Variants in AGBL1 observed in about 807,000 individuals in gnomAD.
AGBL1 encodes the protein cytosolic carboxypeptidase 4.
AGBL1 carries 130 observed loss-of-function variants against 118.9 expected under a neutral mutation model. That is an observed-to-expected ratio of 1.09 (90% confidence interval 0.95 to 1.26). The LOEUF (loss-of-function observed/expected upper bound fraction) is 1.26, where lower values mean the gene tolerates loss of function less well. Ranked by LOEUF, AGBL1 falls within the 50% of genes most tolerant of loss-of-function variation. The pLI, the probability that AGBL1 is intolerant of heterozygous loss-of-function variation, is 0.00. For synonymous variants in AGBL1, 555 were observed against 478.9 expected (o/e 1.16, Z -2.08); for missense variants, 1,584 against 1,298.1 (o/e 1.22, Z -3.38).
intron 1 of AGBL1, among the ~76,000 whole-genome samples, chr15:86,080,482 A>G (rs1403381133): frequency 1.3e-5 from 2 of 152,182 alleles, no homozygotes; most frequent in African/African-American, 4.8e-5. Context: ...TTGTAGTTAC[A>G]TCAGAATGGC....
chr15:86,239,763 C>T (rs556075781), intron 6 of AGBL1, among the ~76,000 whole-genome samples: 8 of 152,298 alleles, frequency 5.3e-5, no homozygotes, highest in East Asian at 1.9e-4. Context: ...CTTCAAGCAC[C>T]GCAGGCTGTA....
intron 24 of AGBL1, among the ~76,000 whole-genome samples, chr15:86,996,891 G>A (rs538575813): frequency 3.7e-4 from 56 of 152,052 alleles, no homozygotes; most frequent in Middle Eastern, 3.4e-3. Flanking sequence ...TGTGGATTTT[G>A]TTTTGCTCCC....
At chr15:86,702,968 C>T (rs770743011) in intron 22 of AGBL1, among the ~76,000 whole-genome samples, 11 of 152,098 alleles carry the variant, frequency 7.2e-5, no homozygotes, top group Admixed American at 1.3e-4. Context: ...GACACTTCAA[C>T]TTTTAAATGA....
intron 19 of AGBL1, among the ~76,000 whole-genome samples, chr15:86,524,629 A>T (rs1190724560): frequency 4.6e-5 from 7 of 152,172 alleles, no homozygotes; most frequent in Admixed American, 3.9e-4. Context: ...GGTCAAATTG[A>T]TATCTCATGG....
At chr15:86,473,307 G>C (rs573403780) in intron 18 of AGBL1, among the ~76,000 whole-genome samples, 1 of 152,282 alleles carries the variant, frequency 6.6e-6, no homozygotes, top group Non-Finnish European at 1.5e-5. Context: ...GCCATTCTAA[G>C]TATTCAAGGA....
chr15:86,298,212 A>G (rs2079676763), intron 17 of AGBL1, among the ~76,000 whole-genome samples: 1 of 127,176 alleles, frequency 7.9e-6, no homozygotes, highest in African/African-American at 3.0e-5. Context: ...AGGGCTACAT[A>G]ATAAAAATGT....
At chr15:86,277,218 C>T (rs1195677926) in intron 15 of AGBL1, among the ~76,000 whole-genome samples, 4 of 149,448 alleles carry the variant, frequency 2.7e-5, no homozygotes, top group African/African-American at 7.4e-5. Context: ...TGGTGGGGAG[C>T]CTTTAGTCTT....
chr15:86,975,440 A>G (rs531945979), intron 23 of AGBL1, among the ~76,000 whole-genome samples: 1 of 152,070 alleles, frequency 6.6e-6, no homozygotes. Flanking sequence ...ATTACCTCCC[A>G]CAGGGCCCCT....
intron 23 of AGBL1, among the ~76,000 whole-genome samples, chr15:86,952,212 G>T (rs2080887058): frequency 6.7e-6 from 1 of 149,878 alleles, no homozygotes; most frequent in South Asian, 2.1e-4. Context: ...GCCTGGACAA[G>T]AGCAAAACTC....
chr15:86,698,324 T>G (rs2086297683), intron 22 of AGBL1, among the ~76,000 whole-genome samples: 1 of 152,088 alleles, frequency 6.6e-6, no homozygotes, highest in South Asian at 2.1e-4. Flanking sequence ...AGTTTATTGG[T>G]TCTTCGAAAT....
rs150103722 is a variant in AGBL1 at position 86,475,092 on chromosome 15, A to C, written c.2556-47718A>C. Among the ~76,000 whole-genome samples the C allele has an allele frequency of 3.9e-3, 593 of 152,328 alleles. 3 individuals are homozygous for C. Among genetic ancestry groups the C allele is most frequent in the Middle Eastern group, 0.017 (5 of 294 alleles). On this transcript the variant is annotated intron_variant, in intron 18 of 22. Coordinates refer to ENST00000614907, the MANE Select transcript of AGBL1 (RefSeq NM_001386094.1). ...CATCTGTACGTCACCATCTTCAAAG[A>C]CCAAAGGCAGATAAAACCACAAAAG...
chr15:86,363,169 A>G (rs1404267812), intron 17 of AGBL1, among the ~76,000 whole-genome samples: 3 of 151,798 alleles, frequency 2.0e-5, no homozygotes, highest in East Asian at 1.9e-4. Context: ...GTGTTTTTCA[A>G]TCTCGTATCT....
At chr15:86,524,274 A>G (rs1471543483) in intron 19 of AGBL1, among the ~76,000 whole-genome samples, 1 of 152,218 alleles carries the variant, frequency 6.6e-6, no homozygotes, top group Non-Finnish European at 1.5e-5. Context: ...GGGGAGCTCC[A>G]TGACTATCCG....
intron 23 of AGBL1, among the ~76,000 whole-genome samples, chr15:86,957,111 G>T (rs2080939064): frequency 6.6e-6 from 1 of 152,106 alleles, no homozygotes; most frequent in Non-Finnish European, 1.5e-5. Context: ...CAGTATGATT[G>T]TCTCCATTCT....
chr15:86,919,639 T>C (rs1425361740), downstream of AGBL1, among the ~76,000 whole-genome samples: 5 of 151,982 alleles, frequency 3.3e-5, no homozygotes, highest in African/African-American at 9.7e-5. Context: ...AAAACTCTTA[T>C]ATGAATGAAG....
intron 5 of AGBL1, among the ~76,000 whole-genome samples, chr15:86,202,069 G>C (rs1463412938): frequency 6.6e-6 from 1 of 152,144 alleles, no homozygotes; most frequent in African/African-American, 2.4e-5. Context: ...CAAGTGGGTG[G>C]ATCACTTGAG....
chr15:86,853,883 C>T (rs536670110), intron 22 of AGBL1, among the ~76,000 whole-genome samples: 11 of 152,078 alleles, frequency 7.2e-5, no homozygotes, highest in South Asian at 4.1e-4. Context: ...ACTGGGTCTC[C>T]GTGTTTTTTT....
At position 86,269,645 on chromosome 15, in the gene AGBL1, A is replaced by C. The variant is rs572346391; in HGVS notation, c.1839-274A>C. 5.9e-5 allele frequency among the ~76,000 whole-genome samples: 9 copies of C among 152,328 alleles called. 1 individual carries two copies. In the South Asian group the frequency reaches 1.7e-3, roughly 28 times the overall value. On this transcript the variant is annotated intron_variant, in intron 13 of 22. Transcript: ENST00000614907. Reference sequence around the variant, plus strand: ...CACATGTACCCCATAAATAAATACAACTATTGTGTATCCATAATAGTTTAA... The same window carrying C: ...CACATGTACCCCATAAATAAATACACCTATTGTGTATCCATAATAGTTTAA...
chr15:86,600,412 T>G (rs1281413033), intron 21 of AGBL1, among the ~76,000 whole-genome samples: 1 of 152,080 alleles, frequency 6.6e-6, no homozygotes, highest in East Asian at 1.9e-4. Flanking sequence ...TACCACTACA[T>G]CAAGTGCCCA....
Sources: gnomAD v4.1 joint callset for allele counts (sites outside exome capture counted in the v4.1 genomes callset) on GRCh38, gnomAD v4.1.1 for gene constraint, MANE v1.5 for transcripts, NCBI Gene and HGNC (gene_info 2026-07-23, HGNC 2026-07-21) for gene names.